DENND11: variants seen among roughly 807,000 people sequenced by gnomAD.
DENND11 encodes the protein DENN domain containing 11, also known as DENN domain-containing protein 11.
DENND11 carries 34 observed loss-of-function variants against 49.2 expected under a neutral mutation model. The observed-to-expected ratio is 0.69, with a 90% confidence interval of 0.53 to 0.92. DENND11 has a LOEUF of 0.92. DENND11 is among the 40% of genes least tolerant of loss of function. The probability of loss-of-function intolerance (pLI) is 0.00; values close to 1 mark genes in which losing one functional copy is unlikely to be tolerated. For synonymous variants in DENND11, 238 were observed against 230.3 expected, an observed-to-expected ratio of 1.03 and a Z score of -0.30; for missense variants, 475 against 581.6, an observed-to-expected ratio of 0.82 and a Z score of 1.88.
At chr7:141,689,362 A>G (rs1798290872) in intron 1 of DENND11, among the ~76,000 whole-genome samples, 1 of 152,228 alleles carries the variant, frequency 6.6e-6, no homozygotes, top group Non-Finnish European at 1.5e-5. Context: ...ACAGAAACCC[A>G]AACACAGCAT....
chr7:141,695,087 CT>C (rs869212878), intron 1 of DENND11, among the ~76,000 whole-genome samples: 2 of 151,854 alleles, frequency 1.3e-5, no homozygotes, highest in African/African-American at 4.8e-5. Flanking sequence ...AGGTTCCTAT[CT>C]TTTTTTTAAA....
chr7:141,701,891 C>A lies in DENND11; in HGVS notation c.263G>T (p.Arg88Leu), dbSNP rs1584731542. ...VAVFVVTFDP[R>L]SGNMVEWCLP... ...GGCCCCGGCGCGGCCCTCACCCGAG[C>A]GGGGGTCGAAGGTGACCACGAACAC... is the stretch of plus-strand genomic sequence containing the variant. The change falls in exon 1 of 9, where the codon CGC (arginine) becomes CTC (leucine). Residue 88 changes from arginine (R) to leucine (L), a missense_variant. Coordinates refer to ENST00000536163, the MANE Select transcript of DENND11 (RefSeq NM_001080392.2). The A allele has an allele frequency of 1.7e-6, 2 of 1,204,864 alleles. No individual in the cohort carries two copies. Among genetic ancestry groups the A allele is most frequent in the Non-Finnish European group, 2.1e-6 (2 of 971,286 alleles). 74.6% of individuals were successfully genotyped at this position (1,204,864 alleles called of 1,614,324 possible). A position where few individuals can be genotyped will look rare whatever the true frequency, so the allele number is the denominator to read the frequency against.
chr7:141,672,872 G>A (rs1798004381), intron 4 of DENND11, among the ~76,000 whole-genome samples: 1 of 152,090 alleles, frequency 6.6e-6, no homozygotes, highest in Admixed American at 6.5e-5. Flanking sequence ...TCTTAAATTA[G>A]TTTGAAATAC....
chr7:141,674,927 C>G (rs989278111), intron 3 of DENND11, among the ~76,000 whole-genome samples: 9 of 152,120 alleles, frequency 5.9e-5, no homozygotes, highest in African/African-American at 2.4e-5. Flanking sequence ...ATCCTGCCCC[C>G]CAGTGGAGCG....
intron 6 of DENND11, 22 bp from the exon 7 acceptor site, chr7:141,665,076 A>G (rs369300640): frequency 1.2e-6 from 2 of 1,612,040 alleles, no homozygotes; most frequent in South Asian, 2.2e-5. Context: ...GGGGTTAGAG[A>G]GGTGGGAACC....
chr7:141,697,855 C>A (rs888166483), intron 1 of DENND11, among the ~76,000 whole-genome samples: 1 of 152,064 alleles, frequency 6.6e-6, no homozygotes, highest in Non-Finnish European at 1.5e-5. Flanking sequence ...TAGAAGCGCT[C>A]GGATACATTA....
In DENND11 at chr7:141,701,873, G is replaced by C. The variant is rs1798526206; in HGVS notation, c.268+13C>G. On this transcript the variant is annotated intron_variant, in intron 1 of 8. Coordinates refer to ENST00000536163, the MANE Select transcript of DENND11 (RefSeq NM_001080392.2). ...GACCCTCCCCACGCGCCTGGCCCCG[G>C]CGCGGCCCTCACCCGAGCGGGGGTC... 5.9e-6 allele frequency: 7 copies of C among 1,187,822 alleles called. No homozygotes were observed. Among genetic ancestry groups the C allele is most frequent in the Non-Finnish European group, 7.3e-6 (7 of 960,056 alleles). The allele number at this position is 1,187,822 out of a possible 1,614,324, so 73.6% of individuals were successfully genotyped here.
chr7:141,700,689 T>G (rs1798496968), intron 1 of DENND11, among the ~76,000 whole-genome samples: 1 of 152,020 alleles, frequency 6.6e-6, no homozygotes, highest in East Asian at 1.9e-4. Flanking sequence ...CACAAAGGCC[T>G]GAATTGTCCC....
chr7:141,685,012 CA>C (rs869107786), intron 3 of DENND11, among the ~76,000 whole-genome samples: 81 of 40,220 alleles, frequency 2.0e-3, no homozygotes, highest in African/African-American at 4.8e-3. Context: ...CTGTCTCTAC[CA>C]AAAAAAAAAA....
chr7:141,700,893 C>T (rs1386442689), intron 1 of DENND11, among the ~76,000 whole-genome samples: 2 of 152,144 alleles, frequency 1.3e-5, no homozygotes, highest in Non-Finnish European at 2.9e-5. Context: ...CAATATTTTC[C>T]CGCACGAACA....
rs1300799566 is a variant in DENND11 at position 141,662,667 on chromosome 7, AG to A, written c.1356del (p.Cys453ValfsTer34). On this transcript the variant is annotated frameshift_variant, in exon 9 of 9. Coordinates refer to ENST00000536163, the MANE Select transcript of DENND11 (RefSeq NM_001080392.2). LOFTEE classifies it high-confidence loss of function. The part of the protein sequence containing the change: ...GIDVMLVIDN[P>X]CCP ...CCTGTTGGCTCCTCCTACGGGCAAC[AG>A]GGGTTGTCGATAACCAGCATGACAT... is the stretch of plus-strand genomic sequence containing the variant. The A allele has an allele frequency of 3.1e-6, 5 of 1,590,696 alleles. No homozygotes were observed. Among genetic ancestry groups the A allele is most frequent in the Non-Finnish European group, 4.3e-6 (5 of 1,169,566 alleles).
chr7:141,659,346 CCAAG>C lies in DENND11; in HGVS notation c.*3306_*3309del, dbSNP rs1797752362. The C allele has an allele frequency of 6.6e-6, 1 of 152,208 alleles. No individual in the cohort carries two copies. The highest frequency in any genetic ancestry group is 2.4e-5 in the African/African-American group (1 of 41,444). The allele number at this position is 152,208 out of a possible 1,614,324, so 9.4% of individuals were successfully genotyped here. A position where few individuals can be genotyped will look rare whatever the true frequency, so the allele number is the denominator to read the frequency against. On this transcript the variant is annotated 3_prime_UTR_variant, in exon 9 of 9. Coordinates refer to ENST00000536163, the MANE Select transcript of DENND11 (RefSeq NM_001080392.2). ...ATAGGGAATGGTTCGTGTTTAAAGG[CCAAG>C]CAAATTCTAAACACATAATTTGGGC...
chr7:141,678,513 AAAG>A (rs1159297671), intron 3 of DENND11, among the ~76,000 whole-genome samples: 2 of 152,226 alleles, frequency 1.3e-5, no homozygotes, highest in African/African-American at 4.8e-5. Context: ...CAAAATGTAG[AAAG>A]AAGAGAATGA....
At chr7:141,671,079 C>T (rs1436972030) in intron 4 of DENND11, among the ~76,000 whole-genome samples, 1 of 152,214 alleles carries the variant, frequency 6.6e-6, no homozygotes, top group Non-Finnish European at 1.5e-5. Flanking sequence ...TTCTAGTTTT[C>T]TACCACTGTG....
At chr7:141,691,026 C>T (rs1322508580) in intron 1 of DENND11, among the ~76,000 whole-genome samples, 1 of 151,990 alleles carries the variant, frequency 6.6e-6, no homozygotes, top group African/African-American at 2.4e-5. Flanking sequence ...AGCTGTCCTT[C>T]CATATCCACT....
intron 3 of DENND11, among the ~76,000 whole-genome samples, chr7:141,676,442 C>T (rs985346379): frequency 2.0e-5 from 3 of 152,136 alleles, no homozygotes; most frequent in African/African-American, 7.2e-5. Context: ...TATACTTGAA[C>T]CACGATTCTA....
At chr7:141,687,084 T>C (rs1357114656) in intron 1 of DENND11, among the ~76,000 whole-genome samples, 1 of 152,180 alleles carries the variant, frequency 6.6e-6, no homozygotes, top group Non-Finnish European at 1.5e-5. Flanking sequence ...TCCCAAAACA[T>C]TTTTTAAATT....
chr7:141,681,669 G>A (rs1798148615), intron 3 of DENND11, among the ~76,000 whole-genome samples: 1 of 152,156 alleles, frequency 6.6e-6, no homozygotes, highest in Admixed American at 6.5e-5. Flanking sequence ...AAACAAACGA[G>A]AAGTCAATTT....
rs535323456 is a variant in DENND11 at position 141,672,156 on chromosome 7, G to C, written c.681+1911C>G. Among the ~76,000 whole-genome samples, 15 of 152,266 alleles carry C rather than the reference G, an allele frequency of 9.9e-5. No individual in the cohort carries two copies. The East Asian group carries it at 2.7e-3, about 27-fold the overall frequency. ...AGCGATCTGAGCACTGGCTGTGCAG[G>C]GACCCCTCCTGCAGGCTCCCATGGT... On this transcript the variant is annotated intron_variant, in intron 4 of 8. Transcript: ENST00000536163.
Sources: allele counts gnomAD v4.1 joint callset (sites outside exome capture counted in the v4.1 genomes callset), GRCh38; gene constraint gnomAD v4.1.1; transcripts MANE v1.5; gene names NCBI Gene and HGNC (gene_info 2026-07-23, HGNC 2026-07-21).